The following MARCHF4 variants were observed in gnomAD, a reference collection of about 807,000 sequenced individuals.
MARCHF4 encodes membrane associated ring-CH-type finger 4.
MARCHF4 carries 14 observed loss-of-function variants against 43.9 expected under a neutral mutation model. That is an observed-to-expected ratio of 0.32 (90% CI 0.21 to 0.50). The LOEUF (loss-of-function observed/expected upper bound fraction) is 0.50. Ranked by LOEUF, MARCHF4 falls within the 20% of genes least tolerant of loss-of-function variation. The pLI is 0.98. For missense variants in MARCHF4, 468 were observed against 536.7 expected (o/e 0.87, Z 1.27); for synonymous variants, 226 against 213.3 (o/e 1.06, Z -0.52).
intron 1 of MARCHF4, among the ~76,000 whole-genome samples, chr2:216,284,868 C>A (rs889252191): frequency 1.3e-5 from 2 of 152,172 alleles, no homozygotes; most frequent in African/African-American, 4.8e-5. Flanking sequence ...TACCTGTCAG[C>A]TGTTACTGTC....
chr2:216,332,385 C>T (rs1375898624), intron 1 of MARCHF4, among the ~76,000 whole-genome samples: 1 of 145,240 alleles, frequency 6.9e-6, no homozygotes, highest in Non-Finnish European at 1.5e-5. Flanking sequence ...GAGCAAGACT[C>T]TGTCTAAAAA....
intron 3 of MARCHF4, among the ~76,000 whole-genome samples, chr2:216,267,594 A>G (rs187857032): frequency 5.3e-5 from 8 of 152,316 alleles, no homozygotes; most frequent in Admixed American, 5.2e-4. Flanking sequence ...TATCTGCTGA[A>G]GTTACCCTAA....
intron 1 of MARCHF4, among the ~76,000 whole-genome samples, chr2:216,285,100 C>G (rs1233665240): frequency 6.6e-6 from 1 of 152,162 alleles, no homozygotes; most frequent in Non-Finnish European, 1.5e-5. Context: ...CCCTTTCCTC[C>G]AGTGCCAAGC....
chr2:216,331,050 T>C (rs535634248), intron 1 of MARCHF4, among the ~76,000 whole-genome samples: 3 of 151,970 alleles, frequency 2.0e-5, no homozygotes, highest in African/African-American at 7.2e-5. Context: ...AGAAAACAAA[T>C]GCACCTTAGA....
rs1692764256 is a variant in MARCHF4 at position 216,371,490 on chromosome 2, G to T, written c.-1230C>A. The stretch of plus-strand genomic sequence containing the variant: ...CCGCGCCCGCAGCTGCTGCTGCGGC[G>T]GCGGAGGCGACTGCTGCTCGGCGTC... On this transcript the variant is annotated 5_prime_UTR_variant, in exon 1 of 4. Coordinates refer to ENST00000273067, the MANE Select transcript of MARCHF4 (RefSeq NM_020814.3). The T allele has an allele frequency of 6.6e-6, 1 of 152,208 alleles. No homozygotes were observed. The highest frequency in any genetic ancestry group is 1.5e-5 in the Non-Finnish European group (1 of 68,118). The allele number at this position is 152,208 out of a possible 1,614,324, so 9.4% of individuals were successfully genotyped here.
At chr2:216,296,345 C>CAAACA (rs1559092375) in intron 1 of MARCHF4, among the ~76,000 whole-genome samples, 5 of 152,158 alleles carry the variant, frequency 3.3e-5, no homozygotes, top group Admixed American at 6.5e-5. Flanking sequence ...GACTCCATCT[C>CAAACA]AAACAAAACA....
At chr2:216,353,087 C>A (rs1692425442) in intron 1 of MARCHF4, among the ~76,000 whole-genome samples, 1 of 152,198 alleles carries the variant, frequency 6.6e-6, no homozygotes, top group East Asian at 1.9e-4. Context: ...GAAGCTAGAA[C>A]TTCATTTCCT....
intron 1 of MARCHF4, among the ~76,000 whole-genome samples, chr2:216,287,134 C>T (rs1176294880): frequency 1.3e-5 from 2 of 152,154 alleles, no homozygotes; most frequent in Non-Finnish European, 2.9e-5. Context: ...CAATTCCTGG[C>T]CCAGCTCAGA....
intron 1 of MARCHF4, among the ~76,000 whole-genome samples, chr2:216,343,566 G>C (rs982956658): frequency 1.3e-5 from 2 of 152,106 alleles, no homozygotes; most frequent in Non-Finnish European, 2.9e-5. Context: ...CCATAATAGC[G>C]TCAGACACAT....
chr2:216,357,226 C>A (rs1335093565), intron 1 of MARCHF4, among the ~76,000 whole-genome samples: 1 of 152,178 alleles, frequency 6.6e-6, no homozygotes, highest in Non-Finnish European at 1.5e-5. Flanking sequence ...GTCCAGAATA[C>A]AATCCAGATT....
intron 1 of MARCHF4, among the ~76,000 whole-genome samples, chr2:216,297,953 C>A (rs756795523): frequency 6.6e-6 from 1 of 152,310 alleles, no homozygotes; most frequent in Non-Finnish European, 1.5e-5. Flanking sequence ...TTTTGCCATG[C>A]TTTTTAGGCC....
rs2105990338 is a variant in MARCHF4 at position 216,371,733 on chromosome 2, A to G, written c.-1473T>C. 6.6e-6 allele frequency: 1 copy of G among 152,384 alleles called. No individual in the cohort carries two copies. The highest frequency in any genetic ancestry group is 1.5e-5 in the Non-Finnish European group (1 of 68,076). The allele number at this position is 152,384 out of a possible 1,614,324, so 9.4% of individuals were successfully genotyped here. A position where few individuals can be genotyped will look rare whatever the true frequency, so the allele number is the denominator to read the frequency against. On this transcript the variant is annotated 5_prime_UTR_variant, in exon 1 of 4. Transcript: ENST00000273067. ...GGGAGTGAGGAGGGGGAGTAATAAA[A>G]AATGAAATAATACTAGTGGAATAAT...
intron 2 of MARCHF4, among the ~76,000 whole-genome samples, chr2:216,280,164 G>A (rs977740963): frequency 6.6e-6 from 1 of 152,004 alleles, no homozygotes; most frequent in Non-Finnish European, 1.5e-5. Flanking sequence ...CAGAGATGAG[G>A]GAGAAAGCAG....
intron 1 of MARCHF4, among the ~76,000 whole-genome samples, chr2:216,297,104 C>T (rs1223312295): frequency 2.0e-5 from 3 of 152,190 alleles, no homozygotes; most frequent in East Asian, 1.9e-4. Flanking sequence ...ATTACTATGG[C>T]GTGTGAATAG....
At chr2:216,320,504 A>G (rs545014466) in intron 1 of MARCHF4, among the ~76,000 whole-genome samples, 4 of 152,306 alleles carry the variant, frequency 2.6e-5, no homozygotes, top group African/African-American at 9.6e-5. Context: ...TGGGCAACCC[A>G]GGTTTAAAAC....
At chr2:216,315,301 C>T (rs564607519) in intron 1 of MARCHF4, among the ~76,000 whole-genome samples, 1 of 152,126 alleles carries the variant, frequency 6.6e-6, no homozygotes, top group Non-Finnish European at 1.5e-5. Flanking sequence ...TATGGAGAAG[C>T]AAGTATTCTA....
chr2:216,363,951 T>G (rs2105986049), intron 1 of MARCHF4, among the ~76,000 whole-genome samples: 1 of 152,278 alleles, frequency 6.6e-6, no homozygotes, highest in Admixed American at 6.5e-5. Context: ...ATTAAAAATC[T>G]CCTGGACCCC....
chr2:216,306,428 G>A (rs947991220), intron 1 of MARCHF4, among the ~76,000 whole-genome samples: 9 of 152,256 alleles, frequency 5.9e-5, no homozygotes, highest in African/African-American at 2.2e-4. Context: ...AGACTTTATT[G>A]TGTGTCTTTA....
chr2:216,291,134 A>G (rs554994607), intron 1 of MARCHF4, among the ~76,000 whole-genome samples: 1 of 152,270 alleles, frequency 6.6e-6, no homozygotes, highest in South Asian at 2.1e-4. Context: ...GAGGATGCCA[A>G]TGTTTAGAGG....
Sources: allele counts gnomAD v4.1 joint callset (sites outside exome capture counted in the v4.1 genomes callset), GRCh38; gene constraint gnomAD v4.1.1; transcripts MANE v1.5; gene names NCBI Gene and HGNC (gene_info 2026-07-23, HGNC 2026-07-21).